The following CCDC178 variants were observed in gnomAD, a reference collection of about 807,000 sequenced individuals.
CCDC178 encodes the protein coiled-coil domain containing 178, also known as coiled-coil domain-containing protein 178.
A neutral mutation model predicts 117.4 loss-of-function variants in CCDC178; 126 were observed. The observed-to-expected ratio is 1.07, with a 90% confidence interval of 0.93 to 1.24. The LOEUF is 1.24. Among genes scored for constraint, CCDC178 ranks in the 50% most tolerant of loss-of-function variants. The pLI is 0.00. For synonymous variants in CCDC178, 283 were observed against 313.4 expected, an observed-to-expected ratio of 0.90 and a Z score of 1.02; for missense variants, 1,030 against 986.9, an observed-to-expected ratio of 1.04 and a Z score of -0.59.
intron 14 of CCDC178, among the ~76,000 whole-genome samples, chr18:33,255,258 C>T (rs1261760209): frequency 6.6e-6 from 1 of 151,992 alleles, no homozygotes; most frequent in African/African-American, 2.4e-5. Flanking sequence ...TTACAAATTA[C>T]CCAGCTTCAG....
chr18:33,192,173 C>T (rs1222460152), intron 20 of CCDC178, among the ~76,000 whole-genome samples: 1 of 152,166 alleles, frequency 6.6e-6, no homozygotes, highest in Non-Finnish European at 1.5e-5. Flanking sequence ...GTACTTATGT[C>T]ACCTACAACT....
At chr18:33,303,035 TA>T (rs1181937110) in intron 11 of CCDC178, among the ~76,000 whole-genome samples, 1 of 152,186 alleles carries the variant, frequency 6.6e-6, no homozygotes, top group East Asian at 1.9e-4. Context: ...TGAGAAACAG[TA>T]AATGTTTGTG....
intron 20 of CCDC178, among the ~76,000 whole-genome samples, chr18:33,119,128 G>A (rs1040248894): frequency 3.9e-5 from 6 of 152,306 alleles, no homozygotes; most frequent in African/African-American, 1.2e-4. Context: ...ATAGGTATGT[G>A]CAAGGACTTC....
chr18:33,112,908 C>A (rs2057803787), intron 20 of CCDC178, among the ~76,000 whole-genome samples: 1 of 151,902 alleles, frequency 6.6e-6, no homozygotes, highest in Non-Finnish European at 1.5e-5. Context: ...AAAATGCACA[C>A]CTATAAATAA....
chr18:33,387,633 G>A (rs1174729984), intron 5 of CCDC178, among the ~76,000 whole-genome samples: 1 of 152,156 alleles, frequency 6.6e-6, no homozygotes, highest in Non-Finnish European at 1.5e-5. Flanking sequence ...TTTAATAAAT[G>A]ATGCTGGGAG....
At chr18:33,186,402 A>G (rs1376316678) in intron 20 of CCDC178, among the ~76,000 whole-genome samples, 1 of 152,098 alleles carries the variant, frequency 6.6e-6, no homozygotes, top group Non-Finnish European at 1.5e-5. Flanking sequence ...TCTGTAGACC[A>G]GACGCACTGA....
intron 15 of CCDC178, among the ~76,000 whole-genome samples, chr18:33,235,781 C>T (rs1034328941): frequency 4.6e-5 from 7 of 152,136 alleles, no homozygotes; most frequent in South Asian, 2.1e-4. Context: ...GTTGCAATGT[C>T]GCATTCTTTA....
At chr18:33,308,860 A>G (rs2062295820) in intron 11 of CCDC178, among the ~76,000 whole-genome samples, 2 of 152,156 alleles carry the variant, frequency 1.3e-5, no homozygotes, top group South Asian at 4.1e-4. Context: ...CCTTTCCACC[A>G]TAATTGTAAG....
intron 21 of CCDC178, among the ~76,000 whole-genome samples, chr18:33,063,040 A>C (rs1012556935): frequency 6.6e-6 from 1 of 152,112 alleles, no homozygotes; most frequent in South Asian, 2.1e-4. Flanking sequence ...ACAGAAACAC[A>C]ACCCCTTCCA....
intron 21 of CCDC178, among the ~76,000 whole-genome samples, chr18:32,977,610 A>AAT (rs2055054542): frequency 6.6e-6 from 1 of 152,202 alleles, no homozygotes; most frequent in South Asian, 2.1e-4. Context: ...AGTTCACAGC[A>AAT]ATAAGCCAGA....
chr18:33,340,500 A>G (rs2062803004), intron 9 of CCDC178, among the ~76,000 whole-genome samples: 1 of 152,182 alleles, frequency 6.6e-6, no homozygotes, highest in South Asian at 2.1e-4. Flanking sequence ...CCACGGGGAA[A>G]ATGTCTCCAG....
chr18:33,039,987 ATTT>A (rs1170714172), intron 21 of CCDC178, among the ~76,000 whole-genome samples: 3 of 151,968 alleles, frequency 2.0e-5, no homozygotes, highest in Middle Eastern at 3.4e-3. Context: ...AAAATCCAGG[ATTT>A]ATAAAAAATT....
At chr18:33,331,243 G>T (rs530250780) in intron 10 of CCDC178, among the ~76,000 whole-genome samples, 1 of 151,890 alleles carries the variant, frequency 6.6e-6, no homozygotes, top group South Asian at 2.1e-4. Context: ...TAACTAAATT[G>T]TGAGTTATAC....
At chr18:33,280,429 C>T (rs2060008623) in intron 12 of CCDC178, among the ~76,000 whole-genome samples, 2 of 151,184 alleles carry the variant, frequency 1.3e-5, no homozygotes, top group Non-Finnish European at 2.9e-5. Context: ...GTTAGAATGG[C>T]AATCATTAAA....
intron 20 of CCDC178, among the ~76,000 whole-genome samples, chr18:33,167,866 C>CTAAATAAA (rs34929402): frequency 0.12 from 18,177 of 148,590 alleles, 1,321 homozygotes; most frequent in East Asian, 0.33. Context: ...GACTCTGTCT[C>CTAAATAAA]TAAATAAATA....
intron 21 of CCDC178, among the ~76,000 whole-genome samples, chr18:32,990,306 C>T (rs1243559390): frequency 2.0e-5 from 3 of 152,004 alleles, no homozygotes; most frequent in Non-Finnish European, 2.9e-5. Context: ...TTAGTCAAAA[C>T]ACTGTATAAG....
At chr18:33,265,794 G>T (rs1393706840) in intron 14 of CCDC178, among the ~76,000 whole-genome samples, 2 of 151,998 alleles carry the variant, frequency 1.3e-5, no homozygotes, top group African/African-American at 4.8e-5. Context: ...CTATCAAAAT[G>T]TAGATAATGT....
Position 33,272,155 on chromosome 18 carries a change from C to A in CCDC178, c.1177-4858G>T, listed in dbSNP as rs4499312. On this transcript the variant is annotated intron_variant, in intron 12 of 22. Transcript: ENST00000383096. ...TCTTTGGAAAGTTCAAGAAATTTGA[C>A]AAAATACTGTATACACTAACCAAGA... Among the ~76,000 whole-genome samples, 1,216 of 151,216 alleles carry A rather than the reference C, an allele frequency of 8.0e-3. 47 individuals carry two copies. Among genetic ancestry groups the A allele is most frequent in the Admixed American group, 0.068 (1,027 of 15,134 alleles).
At chr18:32,992,253 G>A (rs1382370576) in intron 21 of CCDC178, among the ~76,000 whole-genome samples, 1 of 151,934 alleles carries the variant, frequency 6.6e-6, no homozygotes, top group East Asian at 1.9e-4. Flanking sequence ...CATGATATGT[G>A]GGATTATCAA....
Sources: gnomAD v4.1 joint callset for allele counts (sites outside exome capture counted in the v4.1 genomes callset) on GRCh38, gnomAD v4.1.1 for gene constraint, MANE v1.5 for transcripts, NCBI Gene and HGNC (gene_info 2026-07-23, HGNC 2026-07-21) for gene names.